Variants in CCNY observed in about 807,000 individuals in gnomAD.
CCNY encodes cyclin Y, also known as cyclin-Y.
Under a neutral mutation model 42.8 loss-of-function variants are expected in CCNY, and 19 were observed. The ratio of observed to expected loss-of-function variants is 0.44; its 90% CI spans 0.31 to 0.65. The LOEUF is 0.65. CCNY is among the 30% of genes least tolerant of loss of function. The pLI, the probability that CCNY is intolerant of heterozygous loss-of-function variation, is 0.07. For synonymous variants in CCNY, 165 were observed against 162.7 expected (o/e 1.01, Z -0.11); for missense variants, 370 against 437.3 (o/e 0.85, Z 1.37).
intron 3 of CCNY, among the ~76,000 whole-genome samples, chr10:35,510,168 C>T (rs1431673173): frequency 6.6e-6 from 1 of 152,158 alleles, no homozygotes; most frequent in Non-Finnish European, 1.5e-5. Flanking sequence ...CACTTCTTTT[C>T]ACAAACTTTT....
intron 7 of CCNY, among the ~76,000 whole-genome samples, chr10:35,546,682 T>G (rs1841122469): frequency 6.6e-6 from 1 of 152,224 alleles, no homozygotes; most frequent in Admixed American, 6.5e-5. Flanking sequence ...GCTTTCCCTC[T>G]GTTACAGGAT....
intron 1 of CCNY, among the ~76,000 whole-genome samples, chr10:35,460,626 C>A (rs990693665): frequency 6.6e-6 from 1 of 152,136 alleles, no homozygotes; most frequent in African/African-American, 2.4e-5. Flanking sequence ...AAAGAAAATA[C>A]CTTTAGCAGG....
chr10:35,478,648 T>A (rs1246376217), intron 1 of CCNY, among the ~76,000 whole-genome samples: 5 of 152,174 alleles, frequency 3.3e-5, no homozygotes, highest in Non-Finnish European at 7.3e-5. Context: ...TCAAGATGGA[T>A]TAAAGACTTA....
chr10:35,312,886 G>C (rs1416870493), intron 3 of CCNY, among the ~76,000 whole-genome samples: 2 of 151,598 alleles, frequency 1.3e-5, no homozygotes, highest in African/African-American at 4.8e-5. Flanking sequence ...AAAATGCCAG[G>C]ATTACAGGCA....
intron 2 of CCNY, among the ~76,000 whole-genome samples, chr10:35,496,238 A>G (rs1295188578): frequency 1.3e-5 from 2 of 152,236 alleles, no homozygotes; most frequent in Non-Finnish European, 1.5e-5. Context: ...GCACAGCTCT[A>G]TTCATACCTG....
intron 7 of CCNY, among the ~76,000 whole-genome samples, chr10:35,551,978 G>GA (rs1371258778): frequency 6.6e-6 from 1 of 152,116 alleles, no homozygotes; most frequent in African/African-American, 2.4e-5. Flanking sequence ...CTCAAAAATT[G>GA]AACATAGGAT....
chr10:35,266,803 G>T (rs916649852), intron 3 of CCNY, among the ~76,000 whole-genome samples: 1 of 152,036 alleles, frequency 6.6e-6, no homozygotes, highest in East Asian at 1.9e-4. Context: ...ACCTACTGTC[G>T]CCGGGTGCGG....
At chr10:35,267,219 G>A (rs1389195541) in intron 3 of CCNY, among the ~76,000 whole-genome samples, 5 of 151,496 alleles carry the variant, frequency 3.3e-5, no homozygotes, top group Non-Finnish European at 5.9e-5. Flanking sequence ...GAGTTGGGGG[G>A]ATCACTTGAG....
At chr10:35,482,418 G>C (rs1839688361) in intron 1 of CCNY, among the ~76,000 whole-genome samples, 1 of 152,048 alleles carries the variant, frequency 6.6e-6, no homozygotes, top group Non-Finnish European at 1.5e-5. Flanking sequence ...CTTCTGTTTT[G>C]CTTATTTTCT....
At position 35,477,040 on chromosome 10, in the gene CCNY, A is replaced by AAATGG. The variant is rs1172373083; in HGVS notation, c.155-6362_155-6358dup. Among the ~76,000 whole-genome samples the AAATGG allele has an allele frequency of 3.5e-4, 53 of 152,362 alleles. No individual in the cohort carries two copies. In the South Asian group the frequency reaches 0.011, roughly 31 times the overall value. On this transcript the variant is annotated intron_variant, in intron 1 of 9. Coordinates refer to ENST00000374704, the MANE Select transcript of CCNY (RefSeq NM_145012.6). ...GCAAATAAACTAGAAAATCTAGAAG[A>AAATGG]AATGGATAAATTCCTGGACACATAG...
chr10:35,334,392 C>T (rs969000750), upstream of CCNY, among the ~76,000 whole-genome samples: 1 of 152,206 alleles, frequency 6.6e-6, no homozygotes, highest in Non-Finnish European at 1.5e-5. Context: ...GCAATCAGAA[C>T]AGACAACAAC....
intron 8 of CCNY, 109 bp downstream of exon 8, chr10:35,553,294 G>A: frequency 9.4e-7 from 1 of 1,059,860 alleles, no homozygotes; most frequent in South Asian, 2.0e-5. Context: ...GCATGCATTT[G>A]ACTGAATGTC....
chr10:35,456,728 TA>T (rs1164749436), intron 1 of CCNY, among the ~76,000 whole-genome samples: 1 of 152,216 alleles, frequency 6.6e-6, no homozygotes, highest in African/African-American at 2.4e-5. Flanking sequence ...AAGGGCAGTT[TA>T]AAGTTATAGA....
chr10:35,298,003 T>C (rs1455450853), intron 3 of CCNY, among the ~76,000 whole-genome samples: 1 of 147,946 alleles, frequency 6.8e-6, no homozygotes, highest in East Asian at 2.0e-4. Context: ...TAGAAGTTCT[T>C]ATGAAAAAAA....
intron 3 of CCNY, among the ~76,000 whole-genome samples, chr10:35,300,388 T>C (rs1835520098): frequency 6.6e-6 from 1 of 151,972 alleles, no homozygotes; most frequent in South Asian, 2.1e-4. Context: ...GGGGTGATCG[T>C]GGGTCTTGCC....
intron 1 of CCNY, among the ~76,000 whole-genome samples, chr10:35,356,065 G>C (rs1218103989): frequency 6.6e-6 from 1 of 152,054 alleles, no homozygotes; most frequent in Non-Finnish European, 1.5e-5. Flanking sequence ...TTTCATTTTT[G>C]CATGCTTGTT....
chr10:35,498,384 A>G (rs1320578045), intron 2 of CCNY, among the ~76,000 whole-genome samples: 3 of 152,190 alleles, frequency 2.0e-5, no homozygotes, highest in African/African-American at 4.8e-5. Flanking sequence ...CCTAAATCCA[A>G]GTTCCCAGAT....
At chr10:35,310,513 A>G in intron 3 of CCNY, among the ~76,000 whole-genome samples, 1 of 152,294 alleles carries the variant, frequency 6.6e-6, no homozygotes, top group East Asian at 1.9e-4. Flanking sequence ...GTATTAACTC[A>G]CATTCTCACC....
intron 7 of CCNY, among the ~76,000 whole-genome samples, chr10:35,551,096 G>A (rs1199646275): frequency 6.6e-6 from 1 of 152,190 alleles, no homozygotes; most frequent in Non-Finnish European, 1.5e-5. Context: ...AGCTGTGCAA[G>A]CCGGGAGCTG....
Sources: gnomAD v4.1 joint callset for allele counts (sites outside exome capture counted in the v4.1 genomes callset) on GRCh38, gnomAD v4.1.1 for gene constraint, MANE v1.5 for transcripts, NCBI Gene and HGNC (gene_info 2026-07-23, HGNC 2026-07-21) for gene names.